The following ADGRL2 variants were observed in gnomAD, a reference collection of about 807,000 sequenced individuals.
ADGRL2 encodes calcium-independent alpha-latrotoxin receptor 2.
ADGRL2 carries 44 observed loss-of-function variants against 157.4 expected under a neutral mutation model. The observed-to-expected ratio is 0.28, with a 90% CI of 0.22 to 0.36. The LOEUF (loss-of-function observed/expected upper bound fraction) is 0.36. Ranked by LOEUF, ADGRL2 falls within the 10% of genes least tolerant of loss-of-function variation. The pLI, the probability that ADGRL2 is intolerant of heterozygous loss-of-function variation, is 1.00. For missense variants in ADGRL2, 1,510 were observed against 1,768.9 expected, an observed-to-expected ratio of 0.85 and a Z score of 2.63; for synonymous variants, 585 against 624.7, an observed-to-expected ratio of 0.94 and a Z score of 0.95.
intron 2 of ADGRL2, among the ~76,000 whole-genome samples, chr1:81,534,598 A>AT (rs2079689229): frequency 1.3e-5 from 2 of 152,214 alleles, no homozygotes; most frequent in Admixed American, 1.3e-4. Context: ...AACTGTTCCC[A>AT]TTTTTCAGAG....
At chr1:81,533,339 A>G (rs926342588) in intron 2 of ADGRL2, among the ~76,000 whole-genome samples, 1 of 152,176 alleles carries the variant, frequency 6.6e-6, no homozygotes, top group African/African-American at 2.4e-5. Flanking sequence ...AGATTGTGCC[A>G]TTGCACTCCA....
At chr1:81,811,686 G>C (rs2089887749) in intron 1 of ADGRL2, among the ~76,000 whole-genome samples, 1 of 151,782 alleles carries the variant, frequency 6.6e-6, no homozygotes, top group East Asian at 1.9e-4. Flanking sequence ...TAATTGAAAT[G>C]AAAATAGATT....
Position 81,505,207 on chromosome 1 carries a change from C to A in ADGRL2, c.-248+60118C>A, listed in dbSNP as rs1402179756. 3 of 519,802 alleles carry A rather than the reference C, an allele frequency of 5.8e-6. No homozygotes were observed. In the East Asian group the frequency reaches 1.3e-4, roughly 22 times the overall value. The allele number at this position is 519,802 out of a possible 1,614,324, so 32.2% of individuals were successfully genotyped here. A position where few individuals can be genotyped will look rare whatever the true frequency, so the allele number is the denominator to read the frequency against. On this transcript the variant is annotated intron_variant, in intron 2 of 24. Coordinates refer to the ADGRL2 transcript ENST00000370721. ...ACGCTCACCCCCACTCCCACACACA[C>A]ACACACACACACACACACACACCAT...
intron 1 of ADGRL2, among the ~76,000 whole-genome samples, chr1:81,745,175 A>T (rs531113958): frequency 6.6e-6 from 1 of 152,170 alleles, no homozygotes; most frequent in Non-Finnish European, 1.5e-5. Context: ...AAAAGACCCA[A>T]TGTGGAGTTA....
intron 3 of ADGRL2, among the ~76,000 whole-genome samples, chr1:81,594,394 A>G (rs1431517944): frequency 6.6e-6 from 1 of 152,230 alleles, no homozygotes; most frequent in African/African-American, 2.4e-5. Context: ...TCAAACATTA[A>G]CTAAGAAAAT....
chr1:81,696,676 C>T (rs536811804), upstream of ADGRL2, among the ~76,000 whole-genome samples: 33 of 152,088 alleles, frequency 2.2e-4, no homozygotes, highest in East Asian at 3.9e-4. Flanking sequence ...GGCGTGAACC[C>T]GGGAGGCGGA....
chr1:81,659,979 T>G (rs2082618850), intron 3 of ADGRL2, among the ~76,000 whole-genome samples: 1 of 152,204 alleles, frequency 6.6e-6, no homozygotes, highest in Non-Finnish European at 1.5e-5. Flanking sequence ...TTTCAGAATC[T>G]ATCGCCCCCC....
intron 2 of ADGRL2, among the ~76,000 whole-genome samples, chr1:81,837,627 A>G (rs2092349035): frequency 1.3e-5 from 2 of 152,000 alleles, no homozygotes; most frequent in African/African-American, 2.4e-5. Flanking sequence ...TTTCTTAAGC[A>G]CTATTGCATT....
intron 2 of ADGRL2, among the ~76,000 whole-genome samples, chr1:81,868,070 TG>T (rs1571794457): frequency 6.6e-6 from 1 of 151,074 alleles, no homozygotes; most frequent in East Asian, 1.9e-4. Context: ...GGTGTGTGTG[TG>T]TGTGTGTGTG....
intron 3 of ADGRL2, among the ~76,000 whole-genome samples, chr1:81,670,359 T>C (rs1403416471): frequency 6.6e-6 from 1 of 152,186 alleles, no homozygotes; most frequent in Non-Finnish European, 1.5e-5. Flanking sequence ...TTTCCAATTC[T>C]AGACTGTATT....
At chr1:81,615,858 A>G (rs1557508414) in intron 3 of ADGRL2, among the ~76,000 whole-genome samples, 1 of 152,218 alleles carries the variant, frequency 6.6e-6, no homozygotes, top group Non-Finnish European at 1.5e-5. Context: ...CAGTGCTTAC[A>G]GTTTTTTATA....
intron 2 of ADGRL2, among the ~76,000 whole-genome samples, chr1:81,456,280 C>T (rs1432672233): frequency 6.6e-6 from 1 of 152,052 alleles, no homozygotes; most frequent in East Asian, 1.9e-4. Context: ...AGTGCAGTGA[C>T]ATTATCATAG....
chr1:81,477,882 ATGAT>A (rs1247344451), intron 2 of ADGRL2, among the ~76,000 whole-genome samples: 1 of 152,140 alleles, frequency 6.6e-6, no homozygotes, highest in African/African-American at 2.4e-5. Flanking sequence ...ACATTTTTGA[ATGAT>A]CCATCACTAC....
At chr1:81,581,874 G>GCC (rs1491219557) in intron 3 of ADGRL2, among the ~76,000 whole-genome samples, 1 of 83,452 alleles carries the variant, frequency 1.2e-5, no homozygotes, top group Non-Finnish European at 3.1e-5. Context: ...ACACATGCGC[G>GCC]CACACACACA....
At chr1:81,734,281 GA>G (rs949339441) in intron 1 of ADGRL2, among the ~76,000 whole-genome samples, 67 of 139,044 alleles carry the variant, frequency 4.8e-4, no homozygotes, top group East Asian at 3.5e-3. Flanking sequence ...CCATCTCAAA[GA>G]AAAAAAAAAG....
chr1:81,719,080 C>CT (rs2084210973), intron 1 of ADGRL2, among the ~76,000 whole-genome samples: 1 of 152,192 alleles, frequency 6.6e-6, no homozygotes, highest in Non-Finnish European at 1.5e-5. Flanking sequence ...ATTAAAAACA[C>CT]TTTTCTCCCC....
At chr1:81,329,670 G>T (rs891918067) in intron 1 of ADGRL2, among the ~76,000 whole-genome samples, 2 of 152,092 alleles carry the variant, frequency 1.3e-5, no homozygotes, top group Non-Finnish European at 2.9e-5. Flanking sequence ...AAAATAATTT[G>T]ATTATATCAA....
chr1:81,771,186 T>A (rs965517070), intron 2 of ADGRL2, among the ~76,000 whole-genome samples: 1 of 152,222 alleles, frequency 6.6e-6, no homozygotes, highest in African/African-American at 2.4e-5. Flanking sequence ...TTTTTGTAGA[T>A]CTCCTTTATC....
chr1:81,810,711 A>G (rs1015236584), intron 1 of ADGRL2, among the ~76,000 whole-genome samples: 4 of 151,846 alleles, frequency 2.6e-5, no homozygotes, highest in Admixed American at 2.6e-4. Flanking sequence ...ATGAAGGCTT[A>G]ATGTATTAAA....
Sources: allele counts gnomAD v4.1 joint callset (sites outside exome capture counted in the v4.1 genomes callset), GRCh38; gene constraint gnomAD v4.1.1; transcripts MANE v1.5; gene names NCBI Gene and HGNC (gene_info 2026-07-23, HGNC 2026-07-21).